LYST: variants seen among roughly 807,000 people sequenced by gnomAD.
The protein encoded by LYST is lysosomal trafficking regulator.
A neutral mutation model predicts 413.6 loss-of-function variants in LYST; 192 were observed. The observed-to-expected ratio is 0.46, with a 90% CI of 0.41 to 0.52. The LOEUF (loss-of-function observed/expected upper bound fraction) is 0.52, where lower values mean the gene tolerates loss of function less well. Among genes scored for constraint, LYST ranks in the 20% least tolerant of loss-of-function variants. LYST has a pLI of 0.00. For synonymous variants in LYST, 1,525 were observed against 1,567.3 expected, an observed-to-expected ratio of 0.97 and a Z score of 0.64; for missense variants, 3,815 against 4,499.9, an observed-to-expected ratio of 0.85 and a Z score of 4.35.
intron 43 of LYST, among the ~76,000 whole-genome samples, chr1:235,711,642 G>C (rs1366262604): frequency 6.6e-6 from 1 of 151,988 alleles, no homozygotes; most frequent in African/African-American, 2.4e-5. Context: ...GATAATTCTG[G>C]GCAGAGTATT....
intron 1 of LYST, among the ~76,000 whole-genome samples, chr1:235,834,164 GT>G (rs1404811489): frequency 6.6e-6 from 1 of 152,102 alleles, no homozygotes; most frequent in East Asian, 1.9e-4. Flanking sequence ...CTTTATTGAA[GT>G]TTTTAAATGA....
chr1:235,669,753 C>T (rs543807891), intron 50 of LYST, among the ~76,000 whole-genome samples: 1 of 152,248 alleles, frequency 6.6e-6, no homozygotes, highest in Non-Finnish European at 1.5e-5. Context: ...TCCACACTGC[C>T]GAGTGTACTT....
intron 1 of LYST, among the ~76,000 whole-genome samples, chr1:235,856,870 A>T (rs1033323956): frequency 6.6e-6 from 1 of 152,150 alleles, no homozygotes. Flanking sequence ...TAGACACTTA[A>T]ATATGAAAAG....
intron 1 of LYST, among the ~76,000 whole-genome samples, chr1:235,856,134 C>G (rs1333175691): frequency 6.6e-6 from 1 of 152,092 alleles, no homozygotes; most frequent in East Asian, 1.9e-4. Flanking sequence ...TAGTTTCTAT[C>G]ATACTCGGTA....
intron 14 of LYST, among the ~76,000 whole-genome samples, chr1:235,784,283 T>C (rs1246983823): frequency 6.6e-6 from 1 of 152,178 alleles, no homozygotes; most frequent in African/African-American, 2.4e-5. Flanking sequence ...TGTTAACCAA[T>C]GAAATTAACT....
chr1:235,875,851 AAAAC>A (rs1170050308), intron 1 of LYST, among the ~76,000 whole-genome samples: 1 of 152,034 alleles, frequency 6.6e-6, no homozygotes, highest in Non-Finnish European at 1.5e-5. Context: ...CAGACAAACA[AAAAC>A]AAACAAACTG....
At chr1:235,798,030 C>T (rs911004303) in intron 10 of LYST, among the ~76,000 whole-genome samples, 1 of 152,106 alleles carries the variant, frequency 6.6e-6, no homozygotes, top group Non-Finnish European at 1.5e-5. Flanking sequence ...AGAGGTTCAA[C>T]ATCACTAATC....
chr1:235,824,275 G>A (rs1317114044), intron 3 of LYST, among the ~76,000 whole-genome samples: 1 of 152,168 alleles, frequency 6.6e-6, no homozygotes, highest in African/African-American at 2.4e-5. Flanking sequence ...AGTGCAATAG[G>A]TATGGAAATT....
chr1:235,687,461 C>T (rs1445958950), intron 47 of LYST, among the ~76,000 whole-genome samples: 3 of 152,068 alleles, frequency 2.0e-5, no homozygotes, highest in Admixed American at 6.5e-5. Flanking sequence ...GGTGGGGAAA[C>T]AGGTACATGT....
intron 3 of LYST, among the ~76,000 whole-genome samples, chr1:235,824,299 A>G (rs1036292179): frequency 6.6e-6 from 1 of 152,254 alleles, no homozygotes; most frequent in Non-Finnish European, 1.5e-5. Context: ...TATCACTGAA[A>G]TTTTAAAAAG....
At chr1:235,691,522 A>C (rs1660651656) in intron 47 of LYST, among the ~76,000 whole-genome samples, 1 of 152,208 alleles carries the variant, frequency 6.6e-6, no homozygotes, top group African/African-American at 2.4e-5. Context: ...GACAAAGGTG[A>C]GTGAACACTG....
rs201788404 is a variant in LYST at position 235,687,004 on chromosome 1, G to C, written c.10745C>G (p.Thr3582Ser). The C allele has an allele frequency of 6.2e-7, 1 of 1,613,988 alleles. No individual in the cohort carries two copies. Among genetic ancestry groups the C allele is most frequent in the East Asian group, 2.2e-5 (1 of 44,864 alleles). The change falls in exon 48 of 53, where the codon ACT becomes AGT. Residue 3582 changes from threonine (T) to serine (S), a missense_variant. By Grantham distance (58) the Thr-to-Ser change is moderately conservative. This residue lies in a region of LYST where 866 missense variants were observed against 1,156.0 expected (regional missense o/e 0.75). Coordinates refer to ENST00000389793, the MANE Select transcript of LYST (RefSeq NM_000081.4). ...AWVPDSCQLF[T>S]GSKCGVITAY... ...TGTGATGACACCGCATTTGCTTCCAGTAAACAGCTGGCAACTGTCAGGCAC... is the reference window on the plus strand; with the variant it reads ...TGTGATGACACCGCATTTGCTTCCACTAAACAGCTGGCAACTGTCAGGCAC...
upstream of LYST, among the ~76,000 whole-genome samples, chr1:235,868,381 C>G (rs533657050): frequency 6.6e-6 from 1 of 152,128 alleles, no homozygotes; most frequent in Non-Finnish European, 1.5e-5. Context: ...AAAGAGGAAG[C>G]CAAACTTAAC....
chr1:235,830,342 T>C lies in LYST; in HGVS notation c.76A>G (p.Arg26Gly). Residue 26 changes from arginine to glycine, a missense_variant, in exon 3 of 53, where the codon AGG (arginine) becomes GGG (glycine). Physicochemically the swap from Arg to Gly is moderately radical, Grantham distance 125. Around this residue, in one of 4 missense-constraint regions of LYST, gnomAD observed 1,648 missense variants for 1,810.3 expected, o/e 0.91. Coordinates refer to ENST00000389793, the MANE Select transcript of LYST (RefSeq NM_000081.4). ...TCTTCTTCCTCCCTGGCCTCCACCC[T>C]CTGGACCACTGCATTGCAAAGCCGG... is the stretch of plus-strand genomic sequence containing the variant. Reference protein sequence around the residue: ...VNRLCNAVVQRVEAREEEEEE... With the variant: ...VNRLCNAVVQGVEAREEEEEE... 2 of 1,613,876 alleles carry C rather than the reference T, an allele frequency of 1.2e-6. No individual in the cohort carries two copies. Among genetic ancestry groups the C allele is most frequent in the Non-Finnish European group, 1.7e-6 (2 of 1,179,908 alleles).
intron 31 of LYST, chr1:235,738,706 A>G: frequency 6.3e-7 from 1 of 1,597,038 alleles, no homozygotes; most frequent in Non-Finnish European, 8.6e-7. Context: ...CAGGTGGTTG[A>G]GAGTGCTTAC....
intron 50 of LYST, among the ~76,000 whole-genome samples, chr1:235,665,476 G>A (rs1472954424): frequency 6.6e-6 from 1 of 151,888 alleles, no homozygotes; most frequent in Admixed American, 6.6e-5. Flanking sequence ...GCCAGGGGTG[G>A]TGGCGGGCGC....
At chr1:235,709,331 A>G (rs1662221316) in intron 43 of LYST, 23 bp from the exon 44 acceptor site, 1 of 1,543,788 alleles carries the variant, frequency 6.5e-7, no homozygotes, top group Non-Finnish European at 8.8e-7. Flanking sequence ...ATTAATATTA[A>G]TATTTAACTC....
chr1:235,714,599 T>A (rs1662679228), intron 42 of LYST, among the ~76,000 whole-genome samples: 2 of 152,178 alleles, frequency 1.3e-5, no homozygotes, highest in South Asian at 2.1e-4. Flanking sequence ...AGAACTAATA[T>A]CACCGTTCTC....
chr1:235,818,913 T>C (rs1674451084), intron 3 of LYST, among the ~76,000 whole-genome samples: 1 of 152,204 alleles, frequency 6.6e-6, no homozygotes, highest in African/African-American at 2.4e-5. Context: ...GCTTCTCACC[T>C]ACCTTCAAGG....
Sources: gnomAD v4.1 joint callset for allele counts (sites outside exome capture counted in the v4.1 genomes callset) on GRCh38, gnomAD v4.1.1 for gene constraint, gnomAD v4.1.1 regional missense constraint, MANE v1.5 for transcripts, NCBI Gene and HGNC (gene_info 2026-07-23, HGNC 2026-07-21) for gene names.